Variants in B3GALT1 observed in about 807,000 individuals in gnomAD.
The protein encoded by B3GALT1 is beta-1,3-galactosyltransferase 1.
Under a neutral mutation model 23.2 loss-of-function variants are expected in B3GALT1, and 10 were observed. The ratio of observed to expected loss-of-function variants is 0.43; its 90% confidence interval spans 0.27 to 0.73. The LOEUF is 0.73. Among genes scored for constraint, B3GALT1 ranks in the 30% least tolerant of loss-of-function variants. The probability of loss-of-function intolerance (pLI) is 0.21; values close to 1 mark genes in which losing one functional copy is unlikely to be tolerated. For missense variants in B3GALT1, 299 were observed against 405.4 expected, an observed-to-expected ratio of 0.74 and a Z score of 2.25; for synonymous variants, 156 against 141.5, an observed-to-expected ratio of 1.10 and a Z score of -0.73.
At chr2:167,736,626 A>G (rs6730280) in intron 3 of B3GALT1, among the ~76,000 whole-genome samples, 49,946 of 152,120 alleles carry the variant, frequency 0.33, 8,590 homozygotes, top group Non-Finnish European at 0.39. Context: ...ATGAGGCTGG[A>G]TGCAGTGGCT....
chr2:167,633,051 G>A (rs1342611447), intron 2 of B3GALT1, among the ~76,000 whole-genome samples: 1 of 151,962 alleles, frequency 6.6e-6, no homozygotes, highest in East Asian at 1.9e-4. Context: ...TATTAAATAG[G>A]GAATCCTTTC....
intron 3 of B3GALT1, among the ~76,000 whole-genome samples, chr2:167,808,630 G>C (rs955876092): frequency 2.0e-5 from 3 of 151,630 alleles, no homozygotes; most frequent in African/African-American, 7.3e-5. Flanking sequence ...CTTCTGGCTT[G>C]TAGAGTTTCT....
At chr2:167,728,164 G>C (rs1450763854) in intron 3 of B3GALT1, among the ~76,000 whole-genome samples, 8 of 152,218 alleles carry the variant, frequency 5.3e-5, no homozygotes, top group African/African-American at 1.9e-4. Context: ...AGGGGGAGCG[G>C]ATCACCTGAG....
chr2:167,446,558 C>A (rs544283295), intron 1 of B3GALT1, among the ~76,000 whole-genome samples: 2 of 152,088 alleles, frequency 1.3e-5, no homozygotes, highest in Non-Finnish European at 2.9e-5. Context: ...AGGCTTTGTT[C>A]GTTTCTTTTT....
At chr2:167,468,643 G>A in intron 1 of B3GALT1, among the ~76,000 whole-genome samples, 1 of 152,162 alleles carries the variant, frequency 6.6e-6, no homozygotes, top group Non-Finnish European at 1.5e-5. Context: ...AGGCTGAGGA[G>A]GGCAGATCAC....
intron 3 of B3GALT1, among the ~76,000 whole-genome samples, chr2:167,776,040 G>GCACAAACACACACACACACA (rs1553486433): frequency 7.0e-6 from 1 of 142,258 alleles, no homozygotes; most frequent in Non-Finnish European, 1.5e-5. Flanking sequence ...ATGCAACTGT[G>GCACAAACACACACACACACA]CACACACACA....
intron 1 of B3GALT1, among the ~76,000 whole-genome samples, chr2:167,467,071 G>C (rs1699359095): frequency 6.6e-6 from 1 of 151,700 alleles, no homozygotes; most frequent in Non-Finnish European, 1.5e-5. Context: ...CTGTGTTGTA[G>C]CAGTAGGCCT....
intron 3 of B3GALT1, among the ~76,000 whole-genome samples, chr2:167,807,646 G>C (rs2105347963): frequency 6.6e-6 from 1 of 152,270 alleles, no homozygotes; most frequent in East Asian, 1.9e-4. Flanking sequence ...TCTTAATCCT[G>C]AGTTCTAGTT....
chr2:167,533,140 C>T (rs1683357561), intron 2 of B3GALT1, among the ~76,000 whole-genome samples: 1 of 152,110 alleles, frequency 6.6e-6, no homozygotes, highest in South Asian at 2.1e-4. Flanking sequence ...GAATTACAGG[C>T]ATGAGCTACT....
chr2:167,369,180 G>A (rs1223062082), intron 1 of B3GALT1, among the ~76,000 whole-genome samples: 1 of 151,118 alleles, frequency 6.6e-6, no homozygotes, highest in Non-Finnish European at 1.5e-5. Flanking sequence ...GCCCAGCTTT[G>A]CACATATAAA....
intron 3 of B3GALT1, among the ~76,000 whole-genome samples, chr2:167,792,575 A>G (rs960072003): frequency 2.6e-5 from 4 of 152,210 alleles, no homozygotes; most frequent in Non-Finnish European, 5.9e-5. Context: ...ATGTCCTAAA[A>G]GAGCATTTTA....
intron 1 of B3GALT1, among the ~76,000 whole-genome samples, chr2:167,435,975 ACACACACG>A (rs1332181786): frequency 6.7e-5 from 7 of 104,502 alleles, no homozygotes; most frequent in African/African-American, 3.9e-4. Context: ...ACACACACAC[ACACACACG>A]CACACACACA....
At chr2:167,580,452 AAAAC>A (rs1684462762) in intron 2 of B3GALT1, among the ~76,000 whole-genome samples, 1 of 152,080 alleles carries the variant, frequency 6.6e-6, no homozygotes, top group Non-Finnish European at 1.5e-5. Context: ...ATAAAAACCA[AAAAC>A]AAACAAGCAG....
chr2:167,341,688 A>G (rs1396713048), intron 1 of B3GALT1, among the ~76,000 whole-genome samples: 2 of 152,156 alleles, frequency 1.3e-5, no homozygotes, highest in African/African-American at 4.8e-5. Context: ...ATTACTGCTC[A>G]GCCTTTTCTC....
chr2:167,602,114 A>G (rs1424708650), intron 2 of B3GALT1, among the ~76,000 whole-genome samples: 2 of 152,184 alleles, frequency 1.3e-5, no homozygotes, highest in African/African-American at 4.8e-5. Context: ...AGTATCTGCA[A>G]TTGAGACAGA....
chr2:167,451,021 G>A (rs1699082679), intron 1 of B3GALT1, among the ~76,000 whole-genome samples: 1 of 151,868 alleles, frequency 6.6e-6, no homozygotes, highest in African/African-American at 2.4e-5. Flanking sequence ...ATTTCTCTAA[G>A]TGCATCCTTT....
chr2:167,467,549 A>T (rs1250150414), intron 1 of B3GALT1, among the ~76,000 whole-genome samples: 2 of 152,166 alleles, frequency 1.3e-5, no homozygotes, highest in Admixed American at 6.5e-5. Context: ...TGACATGATG[A>T]CATATGACTG....
intron 2 of B3GALT1, among the ~76,000 whole-genome samples, chr2:167,610,910 C>CAAAAAAA (rs67057122): frequency 1.1e-5 from 1 of 91,914 alleles, no homozygotes; most frequent in African/African-American, 4.3e-5. Flanking sequence ...TTTATTTGTA[C>CAAAAAAA]AAAAAAAAAA....
intron 3 of B3GALT1, among the ~76,000 whole-genome samples, chr2:167,744,727 GA>G (rs1687627512): frequency 6.6e-6 from 1 of 152,046 alleles, no homozygotes; most frequent in Non-Finnish European, 1.5e-5. Context: ...AGGTGGCTGG[GA>G]TTACAGGCAC....
Sources: gnomAD v4.1 joint callset for allele counts (sites outside exome capture counted in the v4.1 genomes callset) on GRCh38, gnomAD v4.1.1 for gene constraint, MANE v1.5 for transcripts, NCBI Gene and HGNC (gene_info 2026-07-23, HGNC 2026-07-21) for gene names.